Variants in ITGAM observed in about 807,000 individuals in gnomAD.
ITGAM encodes the protein integrin subunit alpha M.
Under a neutral mutation model 137.5 loss-of-function variants are expected in ITGAM, and 79 were observed. The ratio of observed to expected loss-of-function variants is 0.57; its 90% CI spans 0.48 to 0.69. ITGAM has a LOEUF of 0.69. Among genes scored for constraint, ITGAM ranks in the 30% least tolerant of loss-of-function variants. The pLI is 0.00. For missense variants in ITGAM, 1,343 were observed against 1,483.5 expected (o/e 0.91, Z 1.56); for synonymous variants, 583 against 592.3 (o/e 0.98, Z 0.23).
At chr16:31,319,916 C>A (rs2144475629) in intron 14 of ITGAM, among the ~76,000 whole-genome samples, 1 of 151,980 alleles carries the variant, frequency 6.6e-6, no homozygotes, top group South Asian at 2.1e-4. Flanking sequence ...GGGTTCAGGC[C>A]ATTCTTCTGC....
chr16:31,328,446 GTGTC>G (rs1417768743), intron 23 of ITGAM, among the ~76,000 whole-genome samples: 122 of 152,086 alleles, frequency 8.0e-4, no homozygotes, highest in Non-Finnish European at 1.4e-3. Flanking sequence ...GTGCATGTGT[GTGTC>G]TGAGGATGTA....
chr16:31,261,852 T>C (rs1433622726), intron 2 of ITGAM, 55 bp downstream of exon 2: 1 of 1,104,896 alleles, frequency 9.1e-7, no homozygotes, highest in Non-Finnish European at 1.3e-6. Context: ...AAGACTTACA[T>C]ACCTGAAAAA....
chr16:31,264,359 A>T (rs1035328966), intron 2 of ITGAM, among the ~76,000 whole-genome samples: 50 of 152,242 alleles, frequency 3.3e-4, no homozygotes, highest in African/African-American at 1.1e-3. Context: ...AGACAGGAGG[A>T]ATGCTTGAAC....
rs2080557425 is a variant in ITGAM, at chr16:31,329,902, C to T, written c.2973C>T (p.Ser991=). The T allele has an allele frequency of 2.6e-6, 4 of 1,558,466 alleles. No individual in the cohort carries two copies. Among genetic ancestry groups the T allele is most frequent in the Admixed American group, 1.9e-5 (1 of 51,402 alleles). ...GGGACCGCCCCCAGGTCACCTTCTC[C>T]GAGGTGAGCGGAGCTCGGCCTGACT... ...VIWDRPQVTF[S]ENLSSTCHTK... Residue 991 remains serine (S), a synonymous_variant, in exon 25 of 30, where the codon TCC becomes TCT. Coordinates refer to ENST00000544665, the MANE Select transcript of ITGAM (RefSeq NM_000632.4).
chr16:31,330,500 ACAGACCTCGCATAACCACCTCCT>A lies in ITGAM; in HGVS notation c.3175-3_3194del. ...GTGCAGTGCCCACCCGCTCTCTTCCACAGACCTCGCATAACCACCTCCTGATCGTGAGCACAGCTGAGATCTTG... is the reference window on the plus strand; with the variant it reads ...GTGCAGTGCCCACCCGCTCTCTTCCAGATCGTGAGCACAGCTGAGATCTTG... On this transcript the variant is annotated splice_acceptor_variant and splice_polypyrimidine_tract_variant and coding_sequence_variant and intron_variant, in exon 28 of 30. Coordinates refer to ENST00000544665, the MANE Select transcript of ITGAM (RefSeq NM_000632.4). LOFTEE classifies it high-confidence loss of function. The A allele has an allele frequency of 6.2e-7, 1 of 1,613,788 alleles. No homozygotes were observed. The highest frequency in any genetic ancestry group is 8.5e-7 in the Non-Finnish European group (1 of 1,179,706).
At chr16:31,331,424 G>GGCC (rs2080581411) in intron 29 of ITGAM, 149 bp downstream of exon 29, 6 of 674,696 alleles carry the variant, frequency 8.9e-6, no homozygotes, top group Non-Finnish European at 1.6e-5. Flanking sequence ...TAGGGAGGGT[G>GGCC]GCCGGGTTCA....
At position 31,277,019 on chromosome 16, in the gene ITGAM, G is replaced by T. The variant is rs750398447; in HGVS notation, c.1183G>T (p.Val395Leu). 6.2e-7 allele frequency: 1 copy of T among 1,613,072 alleles called. No individual in the cohort carries two copies. The highest frequency in any genetic ancestry group is 8.5e-7 in the Non-Finnish European group (1 of 1,179,496). The change falls in exon 11 of 30, where the codon GTG (valine) becomes TTG (leucine). Residue 395 changes from valine (V) to leucine (L), a missense_variant. Physicochemically the swap from Val to Leu is conservative, Grantham distance 32. Transcript: ENST00000544665. The stretch of plus-strand genomic sequence containing the variant: ...AAGCACCTTCATCAACATGACCAGA[G>T]TGGATTCAGACATGAATGATGCTTA... ...EKSTFINMTRVDSDMNDAYLG... is the reference protein window; with the variant it reads ...EKSTFINMTRLDSDMNDAYLG...
At chr16:31,307,056 A>G (rs747187689) in intron 14 of ITGAM, among the ~76,000 whole-genome samples, 21 of 152,142 alleles carry the variant, frequency 1.4e-4, no homozygotes, top group Non-Finnish European at 2.9e-4. Context: ...GTAGCCTGGT[A>G]GTATGGTTTG....
chr16:31,289,718 C>A (rs1411644987), intron 12 of ITGAM, among the ~76,000 whole-genome samples: 2 of 152,160 alleles, frequency 1.3e-5, no homozygotes, highest in Non-Finnish European at 2.9e-5. Flanking sequence ...AACAAACCTG[C>A]ACGTTGTGCA....
intron 14 of ITGAM, among the ~76,000 whole-genome samples, chr16:31,308,710 C>T (rs2080291755): frequency 6.6e-6 from 1 of 152,220 alleles, no homozygotes; most frequent in Admixed American, 6.5e-5. Context: ...AATGTGTTTG[C>T]TCTTGCTTCT....
chr16:31,274,419 C>T (rs2079883603), intron 8 of ITGAM, among the ~76,000 whole-genome samples: 1 of 152,054 alleles, frequency 6.6e-6, no homozygotes. Context: ...ACGGCAGAGC[C>T]CTCGGCAGCA....
At position 31,325,412 on chromosome 16, in the gene ITGAM, C is replaced by T. The variant is rs2080498342; in HGVS notation, c.2505+8C>T. On this transcript the variant is annotated splice_region_variant and intron_variant, in intron 20 of 29. Coordinates refer to ENST00000544665, the MANE Select transcript of ITGAM (RefSeq NM_000632.4). ...AAGGTGTCCACGCTCCAGGTAGCCA[C>T]ATCCTTCTCAGGCTCTATCTGACCT... The T allele has an allele frequency of 1.9e-6, 3 of 1,612,602 alleles. No individual in the cohort carries two copies. The highest frequency in any genetic ancestry group is 2.5e-6 in the Non-Finnish European group (3 of 1,179,054).
At chr16:31,328,916 G>A in intron 23 of ITGAM, 2 of 485,828 alleles carry the variant, frequency 4.1e-6, no homozygotes, top group South Asian at 2.2e-5. Context: ...GTGTGTCTGA[G>A]GATCTATGTG....
chr16:31,297,408 T>C (rs1319168716), intron 12 of ITGAM, 106 bp from the exon 13 acceptor site: 22 of 1,426,490 alleles, frequency 1.5e-5, no homozygotes, highest in Non-Finnish European at 2.1e-5. Context: ...TCACATCTGC[T>C]CCAGAGGGAT....
chr16:31,331,573 T>G, intron 29 of ITGAM, 63 bp from the exon 30 acceptor site: 17 of 368,224 alleles, frequency 4.6e-5, no homozygotes, highest in Non-Finnish European at 8.3e-5. Context: ...CCCCTCCCCC[T>G]GGTCTGCGGA....
intron 10 of ITGAM, 70 bp downstream of exon 10, chr16:31,276,814 G>T: frequency 2.5e-6 from 4 of 1,569,264 alleles, no homozygotes; most frequent in Non-Finnish European, 3.5e-6. Context: ...GAGATGTGGG[G>T]GTTTGGGGAC....
intron 2 of ITGAM, among the ~76,000 whole-genome samples, chr16:31,263,748 C>T (rs1243499677): frequency 1.3e-5 from 2 of 149,444 alleles, no homozygotes; most frequent in African/African-American, 2.5e-5. Context: ...AAGCTCTCTC[C>T]CTTGTGTATT....
At chr16:31,273,313 C>A (rs75192290) in intron 7 of ITGAM, 52 bp from the exon 8 acceptor site, 106 of 1,192,724 alleles carry the variant, frequency 8.9e-5, no homozygotes, top group Non-Finnish European at 1.0e-4. Flanking sequence ...AAAAAAAAAA[C>A]TAGTGTGTCA....
At chr16:31,281,753 A>T (rs1264574945) in intron 12 of ITGAM, among the ~76,000 whole-genome samples, 2 of 151,878 alleles carry the variant, frequency 1.3e-5, no homozygotes, top group African/African-American at 2.4e-5. Context: ...ATTTCTTGCC[A>T]TCTGCTAGCT....
Sources: gnomAD v4.1 joint callset for allele counts (sites outside exome capture counted in the v4.1 genomes callset) on GRCh38, gnomAD v4.1.1 for gene constraint, MANE v1.5 for transcripts, NCBI Gene and HGNC (gene_info 2026-07-23, HGNC 2026-07-21) for gene names.